The following PTCHD4 variants were observed in gnomAD, a reference collection of about 807,000 sequenced individuals.
The protein encoded by PTCHD4 is patched domain containing 4.
In PTCHD4, 33 loss-of-function variants were observed where a neutral mutation model predicts 58.1. The ratio of observed to expected loss-of-function variants is 0.57; its 90% CI spans 0.43 to 0.76. The LOEUF (loss-of-function observed/expected upper bound fraction) is 0.76. PTCHD4 is among the 30% of genes least tolerant of loss of function. The probability of loss-of-function intolerance (pLI) is 0.00; values close to 1 mark genes in which losing one functional copy is unlikely to be tolerated. For missense variants in PTCHD4, 1,058 were observed against 1,027.1 expected (o/e 1.03, Z -0.41); for synonymous variants, 478 against 409.6 (o/e 1.17, Z -2.02).
chr6:47,972,294 G>A (rs980919026), intron 4 of PTCHD4, among the ~76,000 whole-genome samples: 4 of 152,098 alleles, frequency 2.6e-5, no homozygotes, highest in African/African-American at 9.7e-5. Flanking sequence ...TTTAAAGGTA[G>A]AACTTAAATT....
In PTCHD4 at chr6:47,860,216, T is replaced by C. The variant is rs1003165433; in HGVS notation, c.*18087A>G. 3.3e-5 allele frequency among the ~76,000 whole-genome samples: 5 copies of C among 152,006 alleles called. No homozygotes were observed. The highest frequency in any genetic ancestry group is 1.2e-4 in the African/African-American group (5 of 41,420). The stretch of plus-strand genomic sequence containing the variant: ...TGACTATTTCTTCTGTCAGCATCTT[T>C]AAAGAGATTGCAAGCAATTTAAAGG... On this transcript the variant is annotated 3_prime_UTR_variant, in exon 5 of 5. Coordinates refer to ENST00000339488, the MANE Select transcript of PTCHD4 (RefSeq NM_001384253.1).
Position 47,888,631 on chromosome 6 carries a change from T to TTTTG in PTCHD4, c.899-8699_899-8696dup, listed in dbSNP as rs200474112. Among the ~76,000 whole-genome samples, 20 of 152,250 alleles carry TTTTG rather than the reference T, an allele frequency of 1.3e-4. No homozygotes were observed. The East Asian group carries it at 1.4e-3, about 10-fold the overall frequency. On this transcript the variant is annotated intron_variant, in intron 4 of 4. Transcript: ENST00000339488. Reference sequence around the variant, plus strand: ...CATTTTGACAATTTATTTTGTAGTTTTTTGTTTGTTTGTTTGTTTTTGTTT... The same window carrying TTTTG: ...CATTTTGACAATTTATTTTGTAGTTTTTTGTTTGTTTGTTTGTTTGTTTTTGTTT...
At chr6:48,037,747 G>A (rs992231099) in intron 3 of PTCHD4, among the ~76,000 whole-genome samples, 1 of 152,036 alleles carries the variant, frequency 6.6e-6, no homozygotes, top group Non-Finnish European at 1.5e-5. Context: ...AGAGCCTATA[G>A]AAAATGAGGT....
At chr6:48,046,934 A>G (rs947857434) in intron 3 of PTCHD4, among the ~76,000 whole-genome samples, 4 of 151,838 alleles carry the variant, frequency 2.6e-5, no homozygotes, top group Admixed American at 6.6e-5. Flanking sequence ...AGAAAACATC[A>G]TGAAGGAAAA....
chr6:47,996,890 A>G (rs553583038), intron 4 of PTCHD4, among the ~76,000 whole-genome samples: 1 of 152,354 alleles, frequency 6.6e-6, no homozygotes, highest in East Asian at 1.9e-4. Flanking sequence ...TCAGGGGTAT[A>G]ACACTTTTCT....
At position 47,974,975 on chromosome 6, in the gene PTCHD4, C is replaced by T. The variant is rs1250638977; in HGVS notation, c.898+33659G>A. On this transcript the variant is annotated intron_variant, in intron 4 of 4. Coordinates refer to ENST00000339488, the MANE Select transcript of PTCHD4 (RefSeq NM_001384253.1). ...TGTTTATTTACTAGGAACCCTCCTACGTACTGGAGATTCCATGGTAAAACA... is the reference window on the plus strand; with the variant it reads ...TGTTTATTTACTAGGAACCCTCCTATGTACTGGAGATTCCATGGTAAAACA... Among the ~76,000 whole-genome samples, 16 of 152,266 alleles carry T rather than the reference C, an allele frequency of 1.1e-4. No individual in the cohort carries two copies. In the East Asian group the frequency reaches 1.5e-3, roughly 15 times the overall value.
At chr6:48,104,574 A>G (rs988002604) in intron 1 of PTCHD4, among the ~76,000 whole-genome samples, 1 of 152,232 alleles carries the variant, frequency 6.6e-6, no homozygotes, top group Admixed American at 6.5e-5. Context: ...TAACATCATA[A>G]TGATAGGATC....
At position 48,107,699 on chromosome 6, in the gene PTCHD4, CAT is replaced by C. The variant is rs201889694; in HGVS notation, c.-970+3348_-970+3349del. Among the ~76,000 whole-genome samples, 525 of 152,216 alleles carry C rather than the reference CAT, an allele frequency of 3.4e-3. 2 individuals are homozygous for C. Among genetic ancestry groups the C allele is most frequent in the African/African-American group, 0.012 (494 of 41,534 alleles). On this transcript the variant is annotated intron_variant, in intron 1 of 4. Transcript: ENST00000339488. ...TGGGAGAAAATTTTTGCAACCTACT[CAT>C]CTGACAAAGGGCTAATATCCAGAAT...
chr6:47,891,332 T>C (rs1764375781), intron 4 of PTCHD4, among the ~76,000 whole-genome samples: 1 of 151,682 alleles, frequency 6.6e-6, no homozygotes. Flanking sequence ...CTCCCAGCTG[T>C]GTTGAGTGTT....
intron 4 of PTCHD4, among the ~76,000 whole-genome samples, chr6:47,947,168 T>C (rs1167575107): frequency 1.2e-4 from 19 of 152,036 alleles, no homozygotes; most frequent in Non-Finnish European, 1.8e-4. Flanking sequence ...ACTCTAGAAA[T>C]GTTTATGTGC....
chr6:47,907,633 C>G (rs952519146), intron 4 of PTCHD4, among the ~76,000 whole-genome samples: 14 of 152,208 alleles, frequency 9.2e-5, no homozygotes, highest in African/African-American at 3.4e-4. Context: ...AAAGTCTGCT[C>G]TCTATCACCA....
At chr6:48,055,973 T>G (rs1412481189) in intron 3 of PTCHD4, among the ~76,000 whole-genome samples, 1 of 152,216 alleles carries the variant, frequency 6.6e-6, no homozygotes, top group African/African-American at 2.4e-5. Flanking sequence ...GAGCCACATA[T>G]GGAATATTAG....
At chr6:48,103,357 C>G (rs576446121) in intron 1 of PTCHD4, among the ~76,000 whole-genome samples, 1 of 152,300 alleles carries the variant, frequency 6.6e-6, no homozygotes, top group South Asian at 2.1e-4. Flanking sequence ...TGCAGTGGAC[C>G]TCCAGTAAAC....
At chr6:47,884,035 C>T (rs1764104513) in intron 4 of PTCHD4, among the ~76,000 whole-genome samples, 1 of 151,778 alleles carries the variant, frequency 6.6e-6, no homozygotes, top group Non-Finnish European at 1.5e-5. Context: ...CTGCTGTTAA[C>T]AACTTCAAGA....
intron 1 of PTCHD4, among the ~76,000 whole-genome samples, chr6:48,088,960 G>A (rs1765312641): frequency 1.3e-5 from 2 of 152,092 alleles, no homozygotes; most frequent in Non-Finnish European, 2.9e-5. Context: ...CAAGAGAATC[G>A]CTTGAACCCA....
Position 47,869,828 on chromosome 6 carries a change from A to C in PTCHD4, c.*8475T>G, listed in dbSNP as rs1303109816. ...TGTGATGTTATAAGATGTTTTGTTT[A>C]GGAAGTTTAATTCTTAGCCTAGAAT... is the stretch of plus-strand genomic sequence containing the variant. On this transcript the variant is annotated 3_prime_UTR_variant, in exon 5 of 5. Transcript: ENST00000339488. 6.6e-6 allele frequency among the ~76,000 whole-genome samples: 1 copy of C among 151,714 alleles called. No individual in the cohort carries two copies. Among genetic ancestry groups the C allele is most frequent in the Non-Finnish European group, 1.5e-5 (1 of 67,764 alleles).
intron 3 of PTCHD4, among the ~76,000 whole-genome samples, chr6:48,010,997 G>T (rs967843647): frequency 1.3e-5 from 2 of 152,126 alleles, no homozygotes; most frequent in African/African-American, 4.8e-5. Flanking sequence ...ATTTAGGTTG[G>T]TTCCAAATCT....
chr6:48,027,845 T>G lies in PTCHD4; in HGVS notation c.418-18731A>C, dbSNP rs899611808. Among the ~76,000 whole-genome samples the G allele has an allele frequency of 5.9e-5, 9 of 152,186 alleles. No individual in the cohort carries two copies. In the East Asian group the frequency reaches 1.7e-3, roughly 29 times the overall value. On this transcript the variant is annotated intron_variant, in intron 3 of 4. Coordinates refer to ENST00000339488, the MANE Select transcript of PTCHD4 (RefSeq NM_001384253.1). Reference sequence around the variant, plus strand: ...CAACTGTCTACTTCCTAATTTTCTCTCAACATATGTAATCAAAACTACCAG... The same window carrying G: ...CAACTGTCTACTTCCTAATTTTCTCGCAACATATGTAATCAAAACTACCAG...
chr6:48,078,503 A>G (rs1765100706), intron 1 of PTCHD4, among the ~76,000 whole-genome samples: 2 of 152,232 alleles, frequency 1.3e-5, no homozygotes, highest in African/African-American at 4.8e-5. Flanking sequence ...TGCACATTCA[A>G]TTTTTAGTCA....
Sources: gnomAD v4.1 joint callset for allele counts (sites outside exome capture counted in the v4.1 genomes callset) on GRCh38, gnomAD v4.1.1 for gene constraint, MANE v1.5 for transcripts, NCBI Gene and HGNC (gene_info 2026-07-23, HGNC 2026-07-21) for gene names.